The following GID4 variants were observed in gnomAD, a reference collection of about 807,000 sequenced individuals.
The protein encoded by GID4 is GID complex subunit 4 homolog.
Under a neutral mutation model 32.4 loss-of-function variants are expected in GID4, and 7 were observed. The ratio of observed to expected loss-of-function variants is 0.22; its 90% confidence interval spans 0.12 to 0.41. The LOEUF (loss-of-function observed/expected upper bound fraction) is 0.41, where lower values mean the gene tolerates loss of function less well. Among genes scored for constraint, GID4 ranks in the 10% least tolerant of loss-of-function variants. The pLI is 1.00. For missense variants in GID4, 309 were observed against 400.0 expected (o/e 0.77, Z 1.94); for synonymous variants, 166 against 170.0 (o/e 0.98, Z 0.18).
In GID4 at chr17:18,066,451, A is replaced by AGTGTGTGTGTGTGTGT. The variant is rs10648639; in HGVS notation, c.*1227_*1242dup. The stretch of plus-strand genomic sequence containing the variant: ...AAATAACTCGAGGCTCACGTGCCAA[A>AGTGTGTGTGTGTGTGT]GTGTGTGTGTGTGTGTGTGTGTGTG... On this transcript the variant is annotated 3_prime_UTR_variant, in exon 6 of 6. Transcript: ENST00000268719. 2.0e-5 allele frequency: 3 copies of AGTGTGTGTGTGTGTGT among 146,610 alleles called. No homozygotes were observed. The highest frequency in any genetic ancestry group is 4.5e-5 in the Non-Finnish European group (3 of 66,464). The allele number at this position is 146,610 out of a possible 1,614,324, so 9.1% of individuals were successfully genotyped here.
At chr17:18,057,862 C>G (rs949187375) in intron 3 of GID4, among the ~76,000 whole-genome samples, 2 of 151,308 alleles carry the variant, frequency 1.3e-5, no homozygotes, top group East Asian at 3.9e-4. Context: ...GAGACAGAGT[C>G]TCGCTCTGTT....
chr17:18,062,328 A>G (rs1404629153), intron 5 of GID4: 3 of 218,278 alleles, frequency 1.4e-5, no homozygotes, highest in Admixed American at 5.0e-5. Context: ...GTACTGGACA[A>G]TGTGAATTTT....
chr17:18,041,819 T>G (rs1567583723), intron 1 of GID4, among the ~76,000 whole-genome samples: 1 of 152,180 alleles, frequency 6.6e-6, no homozygotes, highest in Non-Finnish European at 1.5e-5. Flanking sequence ...ACTTCTGAGC[T>G]CCTTTCAGAA....
In GID4 at chr17:18,045,167, T is replaced by C. The variant is rs1386861110; in HGVS notation, c.459T>C (p.Ser153=). The part of the protein sequence containing the change: ...VVLQHVDTGN[S]YLCGYLKIKG... ...TTCAGCACGTGGACACGGGGAACTC[T>C]TACCTTTGTGGGTACTTGAAGATTA... The change falls in exon 2 of 6, where the codon TCT becomes TCC. Residue 153 remains serine (S), a synonymous_variant. Transcript: ENST00000268719. 6.2e-7 allele frequency: 1 copy of C among 1,613,670 alleles called. No homozygotes were observed.
chr17:18,047,013 A>G (rs1279435991), intron 2 of GID4, among the ~76,000 whole-genome samples: 1 of 152,038 alleles, frequency 6.6e-6, no homozygotes, highest in East Asian at 1.9e-4. Context: ...AGAGAAAATG[A>G]CAGACTCAAA....
chr17:18,064,072 A>G (rs1423153011), intron 5 of GID4, among the ~76,000 whole-genome samples: 2 of 152,106 alleles, frequency 1.3e-5, no homozygotes, highest in East Asian at 1.9e-4. Context: ...TTATCCATTC[A>G]TTATTTAGTG....
intron 3 of GID4, chr17:18,057,257 C>T (rs2044977985): frequency 6.5e-6 from 3 of 464,752 alleles, no homozygotes; most frequent in Middle Eastern, 6.1e-4. Flanking sequence ...CATGGTGAAA[C>T]CCCATCTCTA....
rs1024804498 is a variant in GID4 at position 18,061,694 on chromosome 17, C to A, written c.709-151C>A. On this transcript the variant is annotated intron_variant, in intron 4 of 5. Transcript: ENST00000268719. This position sits in a 1 kb window ranked among gnomAD's most constrained non-coding sequence, Gnocchi z 4.4. ...TTTTAGAAGTCAGGCTGAGACCCCACGGGCCCGCCATCACCCAGCAAGTCT... is the reference window on the plus strand; with the variant it reads ...TTTTAGAAGTCAGGCTGAGACCCCAAGGGCCCGCCATCACCCAGCAAGTCT... 2.1e-5 allele frequency: 15 copies of A among 706,340 alleles called. No individual in the cohort carries two copies. In the South Asian group the frequency reaches 2.5e-4, roughly 12 times the overall value. The allele number at this position is 706,340 out of a possible 1,614,324, so 43.8% of individuals were successfully genotyped here.
intron 2 of GID4, among the ~76,000 whole-genome samples, chr17:18,047,531 C>A (rs1298080438): frequency 6.6e-6 from 1 of 152,206 alleles, no homozygotes; most frequent in Non-Finnish European, 1.5e-5. Context: ...TTTAGGAAGC[C>A]CCCGTGAGTC....
chr17:18,044,998 AT>A, intron 1 of GID4, 148 bp from the exon 2 acceptor site: 1 of 560,050 alleles, frequency 1.8e-6, no homozygotes, highest in Non-Finnish European at 3.3e-6. Flanking sequence ...GGGAGAACTT[AT>A]CAAGATTCCA....
chr17:18,057,032 G>A (rs1437340061), intron 3 of GID4: 8 of 1,545,302 alleles, frequency 5.2e-6, no homozygotes, highest in Non-Finnish European at 6.1e-6. Context: ...ACTAGAATCA[G>A]AGATATTGTA....
At chr17:18,057,337 C>T in intron 3 of GID4, 1 of 268,430 alleles carries the variant, frequency 3.7e-6, no homozygotes, top group Non-Finnish European at 7.2e-6. Flanking sequence ...GAGGCTGAGG[C>T]AGGAGAGTCA....
Position 18,039,932 on chromosome 17 carries a change from G to A in GID4, c.438+30G>A, listed in dbSNP as rs749915459. On this transcript the variant is annotated intron_variant, in intron 1 of 5. Transcript: ENST00000268719. This position sits in a 1 kb window ranked among gnomAD's most constrained non-coding sequence, Gnocchi z 5.3. ...GCGCCGGGCCGGGCCGGGGCCCGAGGGCCTCCTCGCGGCGCTCACGGGCCG... is the reference window on the plus strand; with the variant it reads ...GCGCCGGGCCGGGCCGGGGCCCGAGAGCCTCCTCGCGGCGCTCACGGGCCG... 6.2e-5 allele frequency: 84 copies of A among 1,344,266 alleles called. No homozygotes were observed. Among genetic ancestry groups the A allele is most frequent in the Non-Finnish European group, 7.7e-5 (80 of 1,042,258 alleles). 83.3% of individuals were successfully genotyped at this position (1,344,266 alleles called of 1,614,324 possible).
chr17:18,061,810 G>A lies in GID4; in HGVS notation c.709-35G>A. ...GAGGCCCCGTGGGTGGTCAGAGAATGCTATCTGTTACTGACCCTCTTCATC... is the reference window on the plus strand; with the variant it reads ...GAGGCCCCGTGGGTGGTCAGAGAATACTATCTGTTACTGACCCTCTTCATC... On this transcript the variant is annotated intron_variant, in intron 4 of 5. Transcript: ENST00000268719. The surrounding 1 kb of genome is among the most constrained non-coding windows in gnomAD (Gnocchi z 4.4). 6.2e-7 allele frequency: 1 copy of A among 1,612,474 alleles called. No homozygotes were observed.
At chr17:18,059,592 T>G (rs896991646) in intron 4 of GID4, among the ~76,000 whole-genome samples, 2 of 152,176 alleles carry the variant, frequency 1.3e-5, no homozygotes, top group Non-Finnish European at 1.5e-5. Flanking sequence ...GCTCCCTGCT[T>G]TGATAACGTG....
chr17:18,055,020 A>C (rs1202639868), intron 3 of GID4, among the ~76,000 whole-genome samples: 1 of 151,962 alleles, frequency 6.6e-6, no homozygotes, highest in African/African-American at 2.4e-5. Context: ...AAATACAAAA[A>C]ATTAGCTGGG....
At position 18,039,587 on chromosome 17, in the gene GID4, C is replaced by CCCCCG; in HGVS notation, c.126_127insCGCCC (p.Ser43ArgfsTer101). 7.7e-7 allele frequency: 1 copy of CCCCCG among 1,294,584 alleles called. No homozygotes were observed. Among genetic ancestry groups the CCCCCG allele is most frequent in the Non-Finnish European group, 9.8e-7 (1 of 1,024,492 alleles). 80.2% of individuals were successfully genotyped at this position (1,294,584 alleles called of 1,614,324 possible). A position where few individuals can be genotyped will look rare whatever the true frequency, so the allele number is the denominator to read the frequency against. On this transcript the variant is annotated frameshift_variant, in exon 1 of 6. Transcript: ENST00000268719. LOFTEE classifies it high-confidence loss of function. The surrounding 1 kb of genome is among the most constrained non-coding windows in gnomAD (Gnocchi z 5.3). The stretch of plus-strand genomic sequence containing the variant: ...TCCGCAGGCAGCGGGCGGGTGGTCG[C>CCCCCG]CCCTCCCGCCCCCACCCCGCGCGTG...
intron 1 of GID4, among the ~76,000 whole-genome samples, chr17:18,044,387 G>A (rs965241851): frequency 4.6e-5 from 7 of 152,184 alleles, no homozygotes; most frequent in African/African-American, 1.7e-4. Context: ...TGTTTGTTGG[G>A]TAGGCATCCG....
chr17:18,039,542 G>C lies in GID4; in HGVS notation c.78G>C (p.Arg26=). The C allele has an allele frequency of 7.6e-7, 1 of 1,307,808 alleles. No individual in the cohort carries two copies. Among genetic ancestry groups the C allele is most frequent in the South Asian group, 2.4e-5 (1 of 42,460 alleles). 81.0% of individuals were successfully genotyped at this position (1,307,808 alleles called of 1,614,324 possible). The change falls in exon 1 of 6, where the codon CGG becomes CGC. Residue 26 remains arginine, a synonymous_variant. Coordinates refer to ENST00000268719, the MANE Select transcript of GID4 (RefSeq NM_024052.5). This position sits in a 1 kb window ranked among gnomAD's most constrained non-coding sequence, Gnocchi z 5.3. The part of the protein sequence containing the change: ...GRPCSQVPGS[R]WRPERLLRRQ... ...CCTGCTCGCAGGTCCCTGGGTCCCG[G>C]TGGCGGCCGGAGCGCTTGCTCCGCA...
Sources: gnomAD v4.1 joint callset for allele counts (sites outside exome capture counted in the v4.1 genomes callset) on GRCh38, gnomAD v4.1.1 for gene constraint, Gnocchi (gnomAD v3.1) non-coding constraint, MANE v1.5 for transcripts, NCBI Gene and HGNC (gene_info 2026-07-23, HGNC 2026-07-21) for gene names.